The following BRMS1L variants were observed in gnomAD, a reference collection of about 807,000 sequenced individuals.
The protein encoded by BRMS1L is BRMS1 like transcriptional repressor, also known as breast cancer metastasis-suppressor 1-like protein.
Under a neutral mutation model 50.3 loss-of-function variants are expected in BRMS1L, and 23 were observed. That is an observed-to-expected ratio of 0.46 (90% CI 0.33 to 0.65). BRMS1L has a LOEUF of 0.65. Ranked by LOEUF, BRMS1L falls within the 30% of genes least tolerant of loss-of-function variation. The pLI is 0.02. For missense variants in BRMS1L, 286 were observed against 386.1 expected, an observed-to-expected ratio of 0.74 and a Z score of 2.17; for synonymous variants, 114 against 126.9, an observed-to-expected ratio of 0.90 and a Z score of 0.69.
chr14:35,829,647 A>G (rs1024672472), intron 1 of BRMS1L: 26 of 315,398 alleles, frequency 8.2e-5, no homozygotes, highest in South Asian at 7.1e-4. Flanking sequence ...ATAGTGAGTC[A>G]TCTTGAGGGA....
chr14:35,865,947 G>A (rs1195934602), intron 8 of BRMS1L, 186 bp downstream of exon 8: 6 of 563,934 alleles, frequency 1.1e-5, no homozygotes, highest in South Asian at 2.6e-5. Context: ...TTCTGAATGT[G>A]GTATAATTAT....
At chr14:35,837,681 G>A (rs2078012140) in intron 4 of BRMS1L, among the ~76,000 whole-genome samples, 1 of 152,024 alleles carries the variant, frequency 6.6e-6, no homozygotes, top group South Asian at 2.1e-4. Context: ...CTCCCAAGCA[G>A]CTGGGACTAG....
intron 4 of BRMS1L, among the ~76,000 whole-genome samples, chr14:35,836,469 T>A (rs1239113928): frequency 1.3e-5 from 2 of 151,972 alleles, no homozygotes; most frequent in Non-Finnish European, 2.9e-5. Flanking sequence ...GCCTCCTGAG[T>A]AGCTGGGACT....
intron 8 of BRMS1L, chr14:35,865,993 G>T (rs2142064514): frequency 2.2e-6 from 1 of 450,688 alleles, no homozygotes; most frequent in Non-Finnish European, 3.9e-6. Context: ...GCTAATAATG[G>T]ATCAGTAACT....
intron 4 of BRMS1L, among the ~76,000 whole-genome samples, chr14:35,849,028 C>T (rs1344529278): frequency 2.4e-4 from 36 of 151,212 alleles, no homozygotes; most frequent in African/African-American, 8.7e-4. Context: ...TTTTCTTTTT[C>T]AATTTTTTAT....
At chr14:35,857,704 C>A (rs1308900801) in intron 4 of BRMS1L, among the ~76,000 whole-genome samples, 3 of 152,008 alleles carry the variant, frequency 2.0e-5, no homozygotes, top group African/African-American at 7.2e-5. Context: ...TTTCATTCTT[C>A]TAATACTGTT....
intron 8 of BRMS1L, 59 bp from the exon 9 acceptor site, chr14:35,867,847 C>T: frequency 6.7e-7 from 1 of 1,486,572 alleles, no homozygotes; most frequent in Non-Finnish European, 8.9e-7. Context: ...AATGTTCTGA[C>T]CCTTTGTTCT....
chr14:35,859,364 T>C (rs1388611233), intron 4 of BRMS1L, among the ~76,000 whole-genome samples: 1 of 152,216 alleles, frequency 6.6e-6, no homozygotes, highest in African/African-American at 2.4e-5. Context: ...ATCTTGACGC[T>C]CACACTTAAG....
chr14:35,867,194 G>T (rs1368563010), intron 8 of BRMS1L, among the ~76,000 whole-genome samples: 1 of 152,086 alleles, frequency 6.6e-6, no homozygotes, highest in Non-Finnish European at 1.5e-5. Context: ...CTTTAGGGGA[G>T]GTGGAATCAT....
Position 35,871,571 on chromosome 14 carries a change from G to A in BRMS1L, c.*1094G>A, listed in dbSNP as rs890319129. 1 of 152,508 alleles carries A rather than the reference G, an allele frequency of 6.6e-6. No homozygotes were observed. Among genetic ancestry groups the A allele is most frequent in the African/African-American group, 2.4e-5 (1 of 41,394 alleles). 9.4% of individuals were successfully genotyped at this position (152,508 alleles called of 1,614,324 possible). On this transcript the variant is annotated 3_prime_UTR_variant, in exon 10 of 10. Transcript: ENST00000216807. Reference sequence around the variant, plus strand: ...ACAGCCGGCTGTAGTGTATATTTAGGGTACACCAAATCAGGTATTCCTGGT... The same window carrying A: ...ACAGCCGGCTGTAGTGTATATTTAGAGTACACCAAATCAGGTATTCCTGGT...
chr14:35,830,250 G>A (rs1350507871), intron 1 of BRMS1L, among the ~76,000 whole-genome samples: 2 of 151,596 alleles, frequency 1.3e-5, no homozygotes, highest in African/African-American at 2.4e-5. Flanking sequence ...TGTATTTTTA[G>A]TAGAGATGGG....
chr14:35,865,689 C>T lies in BRMS1L; in HGVS notation c.688-33C>T, dbSNP rs755479387. The T allele has an allele frequency of 6.4e-5, 97 of 1,513,864 alleles. 4 individuals are homozygous for T. The South Asian group carries it at 1.2e-3, about 18-fold the overall frequency. The allele number at this position is 1,513,864 out of a possible 1,614,324, so 93.8% of individuals were successfully genotyped here. Reference sequence around the variant, plus strand: ...ATATTTTCAGTCTGAACTCAGACTTCTTTCTTCCTCTTTTTTTTTTTTTTT... The same window carrying T: ...ATATTTTCAGTCTGAACTCAGACTTTTTTCTTCCTCTTTTTTTTTTTTTTT... On this transcript the variant is annotated intron_variant, in intron 7 of 9. Coordinates refer to ENST00000216807, the MANE Select transcript of BRMS1L (RefSeq NM_032352.4).
At chr14:35,835,051 T>TCA (rs1428537509) in intron 4 of BRMS1L, 128 bp downstream of exon 4, 81 of 485,752 alleles carry the variant, frequency 1.7e-4, no homozygotes, top group African/African-American at 1.1e-3. Context: ...TTGTGTGTGA[T>TCA]TAAAAAAAAA....
At chr14:35,842,535 C>T (rs2078080227) in intron 4 of BRMS1L, among the ~76,000 whole-genome samples, 3 of 152,218 alleles carry the variant, frequency 2.0e-5, no homozygotes, top group African/African-American at 7.2e-5. Flanking sequence ...AGGGTTTCTG[C>T]AGAGAGATCC....
chr14:35,828,407 C>G (rs367678575), intron 1 of BRMS1L, among the ~76,000 whole-genome samples: 1 of 150,034 alleles, frequency 6.7e-6, no homozygotes, highest in Non-Finnish European at 1.5e-5. Context: ...CTCCTGACCT[C>G]GTGATCCACC....
chr14:35,831,046 T>C (rs2077913601), intron 1 of BRMS1L, among the ~76,000 whole-genome samples: 1 of 151,048 alleles, frequency 6.6e-6, no homozygotes, highest in Non-Finnish European at 1.5e-5. Context: ...GCTCAGGCGA[T>C]CCTCCTGCCT....
chr14:35,835,346 G>GA (rs967119454), intron 4 of BRMS1L, among the ~76,000 whole-genome samples: 41 of 151,804 alleles, frequency 2.7e-4, no homozygotes, highest in South Asian at 1.0e-3. Flanking sequence ...CTATTTATGG[G>GA]AAAAAAAATA....
intron 6 of BRMS1L, 106 bp from the exon 7 acceptor site, chr14:35,864,829 A>T: frequency 1.2e-6 from 1 of 813,438 alleles, no homozygotes; most frequent in Non-Finnish European, 2.0e-6. Context: ...AGGATGCCAA[A>T]GCATTATGCT....
At chr14:35,847,136 G>T (rs895388955) in intron 4 of BRMS1L, among the ~76,000 whole-genome samples, 2 of 151,898 alleles carry the variant, frequency 1.3e-5, no homozygotes, top group African/African-American at 4.8e-5. Flanking sequence ...CACCAGCCTG[G>T]CTACTTTTTA....
Sources: allele counts gnomAD v4.1 joint callset (sites outside exome capture counted in the v4.1 genomes callset), GRCh38; gene constraint gnomAD v4.1.1; transcripts MANE v1.5; gene names NCBI Gene and HGNC (gene_info 2026-07-23, HGNC 2026-07-21).